Variants in FHIT observed in about 807,000 individuals in gnomAD.
The protein encoded by FHIT is fragile histidine triad diadenosine triphosphatase, also known as bis(5'-adenosyl)-triphosphatase.
In FHIT, 19 loss-of-function variants were observed where a neutral mutation model predicts 17.9. That is an observed-to-expected ratio of 1.06 (90% CI 0.74 to 1.56). FHIT has a LOEUF of 1.56. FHIT is among the 40% of genes most tolerant of loss of function. The pLI is 0.00. For synonymous variants in FHIT, 81 were observed against 69.7 expected (o/e 1.16, Z -0.81); for missense variants, 248 against 189.2 (o/e 1.31, Z -1.82).
intron 3 of FHIT, among the ~76,000 whole-genome samples, chr3:61,037,927 C>T (rs552294655): frequency 2.0e-4 from 31 of 152,164 alleles, no homozygotes; most frequent in Non-Finnish European, 3.5e-4. Flanking sequence ...AAAATTATTG[C>T]GTAGGACAAA....
At chr3:59,986,498 A>AATATAT (rs74199531) in intron 7 of FHIT, among the ~76,000 whole-genome samples, 12 of 62,322 alleles carry the variant, frequency 1.9e-4, no homozygotes, top group Admixed American at 5.2e-4. Context: ...AGTAGTCCAA[A>AATATAT]ATATATATAT....
chr3:60,893,687 T>C (rs1442682548), intron 3 of FHIT, among the ~76,000 whole-genome samples: 1 of 152,172 alleles, frequency 6.6e-6, no homozygotes, highest in African/African-American at 2.4e-5. Context: ...CTCCAAGCCA[T>C]CCTTAATGCC....
chr3:60,319,454 A>C (rs576800038), intron 5 of FHIT, among the ~76,000 whole-genome samples: 1 of 152,070 alleles, frequency 6.6e-6, no homozygotes, highest in East Asian at 1.9e-4. Context: ...TTAAGGGAAA[A>C]AAAAAAAACA....
chr3:60,051,854 A>G (rs111511469), intron 5 of FHIT, among the ~76,000 whole-genome samples: 2,533 of 152,184 alleles, frequency 0.017, 59 homozygotes, highest in African/African-American at 0.056. Context: ...AAAACAAACA[A>G]ACAAAACAAC....
chr3:60,450,851 G>C (rs761657361), intron 5 of FHIT, among the ~76,000 whole-genome samples: 1 of 152,168 alleles, frequency 6.6e-6, no homozygotes, highest in Non-Finnish European at 1.5e-5. Context: ...TTAAGAATTA[G>C]GTACTAGTGA....
chr3:60,788,136 A>G (rs781897064), intron 4 of FHIT, among the ~76,000 whole-genome samples: 11 of 152,178 alleles, frequency 7.2e-5, no homozygotes, highest in Non-Finnish European at 1.3e-4. Context: ...ATTAACAAAA[A>G]TGTTGTGAAG....
At chr3:61,191,147 T>A (rs2038703980) in intron 2 of FHIT, among the ~76,000 whole-genome samples, 1 of 152,140 alleles carries the variant, frequency 6.6e-6, no homozygotes, top group African/African-American at 2.4e-5. Context: ...CCTGTGCTGG[T>A]TAATTTTCTG....
rs569958362 is a variant in FHIT, at chr3:60,102,999, G to A, written c.104-88847C>T. On this transcript the variant is annotated intron_variant, in intron 5 of 9. Transcript: ENST00000492590. The stretch of plus-strand genomic sequence containing the variant: ...AGACTTTTTCTTTCTGAGCACATGT[G>A]ACAATGAATATTATTTACCCCTGTA... Among the ~76,000 whole-genome samples, 6 of 152,266 alleles carry A rather than the reference G, an allele frequency of 3.9e-5. No individual in the cohort carries two copies. In the East Asian group the frequency reaches 5.8e-4, roughly 15 times the overall value.
intron 5 of FHIT, among the ~76,000 whole-genome samples, chr3:60,090,716 G>C (rs1442375668): frequency 6.6e-6 from 1 of 152,162 alleles, no homozygotes; most frequent in African/African-American, 2.4e-5. Flanking sequence ...TTGATGGGCT[G>C]CTTTGATGCT....
At chr3:59,991,202 C>T (rs752600633) in intron 7 of FHIT, among the ~76,000 whole-genome samples, 20 of 152,044 alleles carry the variant, frequency 1.3e-4, no homozygotes, top group Non-Finnish European at 2.6e-4. Flanking sequence ...GGATTAATGA[C>T]ATTGTATAGT....
intron 8 of FHIT, among the ~76,000 whole-genome samples, chr3:59,880,701 A>G (rs2106951015): frequency 6.6e-6 from 1 of 152,344 alleles, no homozygotes; most frequent in African/African-American, 2.4e-5. Context: ...AGATAGTATC[A>G]GGCATACAGG....
rs548813102 is a variant in FHIT, at chr3:60,882,663, A to G, written c.-110-60652T>C. On this transcript the variant is annotated intron_variant, in intron 3 of 9. Coordinates refer to ENST00000492590, the MANE Select transcript of FHIT (RefSeq NM_002012.4). ...GCAGAAAAAGAAAAGAAAATTCAAC[A>G]TCCCTTCCTGATAAAAACCCTGAAC... Among the ~76,000 whole-genome samples, 29 of 152,274 alleles carry G rather than the reference A, an allele frequency of 1.9e-4. 1 individual carries two copies. The South Asian group carries it at 6.0e-3, about 32-fold the overall frequency.
chr3:59,759,132 A>G (rs555555214), intron 8 of FHIT, among the ~76,000 whole-genome samples: 116 of 152,058 alleles, frequency 7.6e-4, no homozygotes, highest in African/African-American at 2.7e-3. Context: ...TTCAAGCAGA[A>G]AGAACAGCAA....
chr3:60,080,872 T>G (rs1276886602), intron 5 of FHIT: 5 of 152,268 alleles, frequency 3.3e-5, no homozygotes, highest in African/African-American at 1.2e-4. Flanking sequence ...ATGAAATAGA[T>G]GACTGTTCTT....
intron 6 of FHIT, among the ~76,000 whole-genome samples, chr3:60,011,873 C>G (rs568702963): frequency 1.1e-4 from 16 of 152,288 alleles, no homozygotes; most frequent in South Asian, 8.3e-4. Context: ...TTGTGGGAGA[C>G]AAATGGTAGT....
chr3:61,235,258 C>G (rs1318614780), intron 1 of FHIT, among the ~76,000 whole-genome samples: 1 of 152,180 alleles, frequency 6.6e-6, no homozygotes, highest in East Asian at 1.9e-4. Flanking sequence ...AGGCCCACCA[C>G]TTGCCAACTG....
chr3:60,383,172 C>A (rs551189811), intron 5 of FHIT, among the ~76,000 whole-genome samples: 1 of 152,236 alleles, frequency 6.6e-6, no homozygotes, highest in Non-Finnish European at 1.5e-5. Context: ...ATGGGAGTTT[C>A]TTTTGCGCTT....
intron 5 of FHIT, among the ~76,000 whole-genome samples, chr3:60,126,735 G>A (rs1263724121): frequency 1.3e-5 from 2 of 152,128 alleles, no homozygotes; most frequent in Non-Finnish European, 2.9e-5. Flanking sequence ...CAATGTCCCT[G>A]CCAAATGGAT....
At chr3:60,646,498 T>C (rs2039860938) in intron 4 of FHIT, among the ~76,000 whole-genome samples, 2 of 152,182 alleles carry the variant, frequency 1.3e-5, no homozygotes, top group Non-Finnish European at 1.5e-5. Flanking sequence ...AAATGACATT[T>C]TCAGATTCAA....
Sources: allele counts gnomAD v4.1 joint callset (sites outside exome capture counted in the v4.1 genomes callset), GRCh38; gene constraint gnomAD v4.1.1; transcripts MANE v1.5; gene names NCBI Gene and HGNC (gene_info 2026-07-23, HGNC 2026-07-21).